The following PLBD1 variants were observed in gnomAD, a reference collection of about 807,000 sequenced individuals.
PLBD1 encodes the protein lysosomal leucine aminopeptidase.
A neutral mutation model predicts 63.0 loss-of-function variants in PLBD1; 60 were observed. The ratio of observed to expected loss-of-function variants is 0.95; its 90% CI spans 0.77 to 1.18. The LOEUF (loss-of-function observed/expected upper bound fraction) is 1.18. PLBD1 is among the 50% of genes most tolerant of loss of function. The pLI is 0.00. For missense variants in PLBD1, 598 were observed against 677.9 expected, an observed-to-expected ratio of 0.88 and a Z score of 1.31; for synonymous variants, 262 against 248.0, an observed-to-expected ratio of 1.06 and a Z score of -0.53.
At chr12:14,511,230 G>A (rs1184062424) in intron 8 of PLBD1, 30 bp downstream of exon 8, 1 of 1,549,944 alleles carries the variant, frequency 6.5e-7, no homozygotes, top group Admixed American at 2.0e-5. Context: ...TACTCATCAG[G>A]TTTTAAGACT....
chr12:14,552,119 T>C (rs1393861557), intron 2 of PLBD1, among the ~76,000 whole-genome samples: 2 of 152,214 alleles, frequency 1.3e-5, no homozygotes, highest in African/African-American at 4.8e-5. Context: ...GACATTTCAC[T>C]TACTATGACT....
chr12:14,518,546 CAAT>C lies in PLBD1; in HGVS notation c.845-6838_845-6836del, dbSNP rs759042243. Among the ~76,000 whole-genome samples the C allele has an allele frequency of 2.6e-5, 4 of 152,258 alleles. No individual in the cohort carries two copies. In the East Asian group the frequency reaches 7.7e-4, roughly 29 times the overall value. On this transcript the variant is annotated intron_variant, in intron 6 of 10. Transcript: ENST00000240617. The stretch of plus-strand genomic sequence containing the variant: ...GGCAGGATGAATAGAAAGCAAGTTA[CAAT>C]AAGAACTGTGATCTCTTAGGCAGCC...
At chr12:14,557,961 CAA>C (rs1666443920) in intron 1 of PLBD1, among the ~76,000 whole-genome samples, 1 of 145,852 alleles carries the variant, frequency 6.9e-6, no homozygotes, top group African/African-American at 2.6e-5. Context: ...TTCACAATAG[CAA>C]AGACACAGAA....
chr12:14,542,588 C>T (rs1277360852), intron 2 of PLBD1, among the ~76,000 whole-genome samples: 1 of 152,186 alleles, frequency 6.6e-6, no homozygotes, highest in Non-Finnish European at 1.5e-5. Flanking sequence ...GAGTCGAAGC[C>T]TCTGTGTGCA....
At chr12:14,549,861 T>G (rs907869534) in intron 2 of PLBD1, among the ~76,000 whole-genome samples, 75 of 152,186 alleles carry the variant, frequency 4.9e-4, no homozygotes, top group African/African-American at 1.8e-3. Flanking sequence ...AGAGACGGGT[T>G]TTCGCCATGT....
chr12:14,553,288 G>T lies in PLBD1; in HGVS notation c.240C>A (p.Gly80=), dbSNP rs763108629. ...CATAGCCAGCTCTGATCTCCAGGAT[G>T]CCCCAGCCTGTGGTTTTCACAGAGT... The part of the protein sequence containing the change: ...YNNSVKTTGW[G]ILEIRAGYGS... Residue 80 remains glycine (G), a synonymous_variant, in exon 2 of 11, where the codon GGC becomes GGA. Transcript: ENST00000240617. 3 of 1,614,146 alleles carry T rather than the reference G, an allele frequency of 1.9e-6. No homozygotes were observed. The South Asian group carries it at 3.3e-5, about 18-fold the overall frequency.
chr12:14,562,166 G>A (rs978119659), intron 1 of PLBD1, among the ~76,000 whole-genome samples: 1 of 152,132 alleles, frequency 6.6e-6, no homozygotes, highest in Non-Finnish European at 1.5e-5. Flanking sequence ...TCTCTAGGAA[G>A]ACTGTATCAT....
chr12:14,508,875 G>T (rs1264479799), intron 8 of PLBD1, among the ~76,000 whole-genome samples: 1 of 152,106 alleles, frequency 6.6e-6, no homozygotes, highest in East Asian at 1.9e-4. Context: ...GTTTCAGAGA[G>T]GTCAATTGTC....
chr12:14,541,144 T>C (rs1229166911), intron 3 of PLBD1, among the ~76,000 whole-genome samples: 2 of 152,196 alleles, frequency 1.3e-5, no homozygotes, highest in East Asian at 3.8e-4. Context: ...AACAAAAGCA[T>C]AAGTGTGATA....
chr12:14,515,034 T>G (rs1945327603), intron 6 of PLBD1, among the ~76,000 whole-genome samples: 1 of 152,006 alleles, frequency 6.6e-6, no homozygotes, highest in Admixed American at 6.6e-5. Context: ...AAGAAACACT[T>G]CCGGTTAATA....
At chr12:14,506,865 A>G (rs1269472619) in intron 9 of PLBD1, 68 bp downstream of exon 9, 2 of 1,416,068 alleles carry the variant, frequency 1.4e-6, no homozygotes, top group East Asian at 4.6e-5. Flanking sequence ...ATAAACTTAC[A>G]TGGATTCTGT....
At chr12:14,545,259 G>C (rs1945608540) in intron 2 of PLBD1, among the ~76,000 whole-genome samples, 1 of 152,136 alleles carries the variant, frequency 6.6e-6, no homozygotes, top group South Asian at 2.1e-4. Context: ...CTATTTTGTG[G>C]CCTCCTTTCT....
chr12:14,565,036 G>A (rs1945769848), intron 1 of PLBD1, among the ~76,000 whole-genome samples: 1 of 152,256 alleles, frequency 6.6e-6, no homozygotes, highest in South Asian at 2.1e-4. Flanking sequence ...CTTTTGGTCT[G>A]GAAAGATAAA....
chr12:14,525,725 A>ACTT (rs1555145791), intron 6 of PLBD1, among the ~76,000 whole-genome samples: 28 of 151,876 alleles, frequency 1.8e-4, no homozygotes, highest in East Asian at 3.9e-4. Flanking sequence ...GCACACACAC[A>ACTT]CTTGTTTTAA....
At chr12:14,525,836 A>T (rs1945412351) in intron 6 of PLBD1, among the ~76,000 whole-genome samples, 1 of 152,198 alleles carries the variant, frequency 6.6e-6, no homozygotes, top group Admixed American at 6.5e-5. Context: ...ACAATAGCAC[A>T]AAGGATGGAA....
chr12:14,553,272 C>T lies in PLBD1; in HGVS notation c.256G>A (p.Ala86Thr). 1 of 1,614,154 alleles carries T rather than the reference C, an allele frequency of 6.2e-7. No homozygotes were observed. Among genetic ancestry groups the T allele is most frequent in the South Asian group, 1.1e-5 (1 of 91,082 alleles). ...TTGWGILEIR[A>T]GYGSQTLSNE... ...CTCAGGGTTTGAGAGCCATAGCCAG[C>T]TCTGATCTCCAGGATGCCCCAGCCT... Residue 86 changes from alanine (A) to threonine (T), a missense_variant, in exon 2 of 11, where the codon GCT becomes ACT. Physicochemically the swap from Ala to Thr is moderately conservative, Grantham distance 58. Coordinates refer to ENST00000240617, the MANE Select transcript of PLBD1 (RefSeq NM_024829.6).
intron 2 of PLBD1, among the ~76,000 whole-genome samples, chr12:14,549,994 T>TA (rs768774413): frequency 6.6e-6 from 1 of 152,272 alleles, no homozygotes; most frequent in Admixed American, 6.5e-5. Context: ...AAATGCAACT[T>TA]ACTCATTTCA....
intron 5 of PLBD1, 115 bp from the exon 6 acceptor site, chr12:14,535,918 T>C (rs1333177893): frequency 9.3e-7 from 1 of 1,073,672 alleles, no homozygotes. Flanking sequence ...TTTATTGCTA[T>C]ACTGATTATT....
intron 2 of PLBD1, among the ~76,000 whole-genome samples, chr12:14,547,180 TTGTGTG>T (rs56182227): frequency 0.037 from 5,066 of 138,070 alleles, 143 homozygotes; most frequent in African/African-American, 0.094. Context: ...GCACCTGGCT[TTGTGTG>T]TGTGTGTGTG....
Sources: gnomAD v4.1 joint callset for allele counts (sites outside exome capture counted in the v4.1 genomes callset) on GRCh38, gnomAD v4.1.1 for gene constraint, MANE v1.5 for transcripts, NCBI Gene and HGNC (gene_info 2026-07-23, HGNC 2026-07-21) for gene names.